The following CSMD3 variants were observed in gnomAD, a reference collection of about 807,000 sequenced individuals.
The protein encoded by CSMD3 is CUB and Sushi multiple domains 3, also known as CUB and sushi domain-containing protein 3.
A neutral mutation model predicts 435.2 loss-of-function variants in CSMD3; 177 were observed. The ratio of observed to expected loss-of-function variants is 0.41; its 90% CI spans 0.36 to 0.46. The LOEUF (loss-of-function observed/expected upper bound fraction) is 0.46, where lower values mean the gene tolerates loss of function less well. Ranked by LOEUF, CSMD3 falls within the 20% of genes least tolerant of loss-of-function variation. The pLI is 0.34. For missense variants in CSMD3, 4,265 were observed against 4,504.6 expected, an observed-to-expected ratio of 0.95 and a Z score of 1.52; for synonymous variants, 1,656 against 1,520.5, an observed-to-expected ratio of 1.09 and a Z score of -2.07.
chr8:112,536,023 A>C (rs563985824), intron 27 of CSMD3, among the ~76,000 whole-genome samples: 4 of 152,290 alleles, frequency 2.6e-5, no homozygotes, highest in South Asian at 2.1e-4. Context: ...AAATTAATTC[A>C]AGATGGATTA....
intron 5 of CSMD3, among the ~76,000 whole-genome samples, chr8:113,076,989 G>T (rs948524395): frequency 1.1e-4 from 16 of 152,164 alleles, no homozygotes; most frequent in African/African-American, 3.4e-4. Flanking sequence ...ACAAAAGGAA[G>T]AGAAGTGGCT....
chr8:113,263,096 T>C (rs1438596630), intron 3 of CSMD3, among the ~76,000 whole-genome samples: 2 of 151,970 alleles, frequency 1.3e-5, no homozygotes, highest in Admixed American at 6.6e-5. Flanking sequence ...TAAAGGATAG[T>C]GAGTGAAGAC....
chr8:112,755,581 T>A (rs1351575362), intron 13 of CSMD3, among the ~76,000 whole-genome samples: 1 of 150,516 alleles, frequency 6.6e-6, no homozygotes, highest in Non-Finnish European at 1.5e-5. Context: ...TAAACCTCTT[T>A]CCTTTATAAA....
At chr8:112,421,955 TA>T (rs1438204180) in intron 32 of CSMD3, among the ~76,000 whole-genome samples, 1 of 151,690 alleles carries the variant, frequency 6.6e-6, no homozygotes, top group South Asian at 2.1e-4. Context: ...GTTTTGCAGA[TA>T]AAAAAACAAA....
At chr8:113,266,844 C>T (rs1056244613) in intron 3 of CSMD3, among the ~76,000 whole-genome samples, 3 of 151,532 alleles carry the variant, frequency 2.0e-5, no homozygotes, top group African/African-American at 7.3e-5. Flanking sequence ...TTTGCAAATA[C>T]TTCATCCAAC....
At chr8:112,226,459 C>G (rs1211575246) in intron 70 of CSMD3, among the ~76,000 whole-genome samples, 1 of 151,950 alleles carries the variant, frequency 6.6e-6, no homozygotes, top group African/African-American at 2.4e-5. Flanking sequence ...AACACAAGAG[C>G]CAAATTCATA....
chr8:113,280,099 T>A (rs1305313880), intron 2 of CSMD3, among the ~76,000 whole-genome samples: 1 of 151,940 alleles, frequency 6.6e-6, no homozygotes, highest in African/African-American at 2.4e-5. Flanking sequence ...CGCACCCATG[T>A]TCATCAAGGA....
intron 16 of CSMD3, among the ~76,000 whole-genome samples, chr8:112,681,616 A>C (rs2075896918): frequency 6.6e-6 from 1 of 152,076 alleles, no homozygotes; most frequent in African/African-American, 2.4e-5. Context: ...CTGTAATCCC[A>C]GCACTTTGGG....
At chr8:112,265,338 T>C (rs1318533002) in intron 60 of CSMD3, 73 bp downstream of exon 60, 3 of 1,158,216 alleles carry the variant, frequency 2.6e-6, no homozygotes, top group Non-Finnish European at 3.7e-6. Flanking sequence ...AAGTATACTT[T>C]AAATTTGTAT....
intron 5 of CSMD3, among the ~76,000 whole-genome samples, chr8:113,097,683 A>G (rs1374586950): frequency 2.6e-5 from 4 of 152,082 alleles, no homozygotes; most frequent in Non-Finnish European, 5.9e-5. Flanking sequence ...TTAATTGCAC[A>G]TCTTGAAGAA....
chr8:113,291,793 T>A (rs1035627417), intron 2 of CSMD3, among the ~76,000 whole-genome samples: 3 of 151,946 alleles, frequency 2.0e-5, no homozygotes, highest in Non-Finnish European at 4.4e-5. Flanking sequence ...TTGAACTAGG[T>A]GTGTATTCTA....
Position 112,234,494 on chromosome 8 carries a change from C to T in CSMD3, c.10628-17G>A. Reference sequence around the variant, plus strand: ...TATATACCCCTGTAAAATGCAAGGACATTTTAGTCTACTTAACTTTGTAAA... The same window carrying T: ...TATATACCCCTGTAAAATGCAAGGATATTTTAGTCTACTTAACTTTGTAAA... On this transcript the variant is annotated splice_polypyrimidine_tract_variant and intron_variant, in intron 67 of 70. Coordinates refer to ENST00000297405, the MANE Select transcript of CSMD3 (RefSeq NM_198123.2). The T allele has an allele frequency of 7.3e-7, 1 of 1,369,382 alleles. No individual in the cohort carries two copies. The highest frequency in any genetic ancestry group is 1.0e-6 in the Non-Finnish European group (1 of 957,280). 84.8% of individuals were successfully genotyped at this position (1,369,382 alleles called of 1,614,324 possible).
chr8:112,453,760 A>G (rs1256471630), intron 32 of CSMD3, among the ~76,000 whole-genome samples: 1 of 152,152 alleles, frequency 6.6e-6, no homozygotes, highest in African/African-American at 2.4e-5. Context: ...TAGAAAAAAT[A>G]TTCTAAAATT....
chr8:113,230,507 A>G (rs1459988559), intron 3 of CSMD3, among the ~76,000 whole-genome samples: 1 of 151,626 alleles, frequency 6.6e-6, no homozygotes, highest in Non-Finnish European at 1.5e-5. Flanking sequence ...CTTAGAGCCC[A>G]ATGTCCAGAG....
At chr8:112,394,088 T>A (rs1830668120) in intron 35 of CSMD3, among the ~76,000 whole-genome samples, 1 of 152,130 alleles carries the variant, frequency 6.6e-6, no homozygotes, top group Admixed American at 6.6e-5. Context: ...ACTTTGAAAT[T>A]CTTCTTCATC....
intron 19 of CSMD3, among the ~76,000 whole-genome samples, chr8:112,646,853 A>C (rs1466665615): frequency 6.6e-6 from 1 of 152,180 alleles, no homozygotes; most frequent in Non-Finnish European, 1.5e-5. Context: ...ATAAGATGAA[A>C]CTAAAAACAT....
intron 2 of CSMD3, among the ~76,000 whole-genome samples, chr8:113,293,331 T>C (rs2093698749): frequency 6.6e-6 from 1 of 151,900 alleles, no homozygotes; most frequent in Admixed American, 6.6e-5. Flanking sequence ...GATTAGAAAC[T>C]GAGAAGTGGA....
intron 13 of CSMD3, among the ~76,000 whole-genome samples, chr8:112,764,566 A>C (rs2077928314): frequency 6.6e-6 from 1 of 151,496 alleles, no homozygotes; most frequent in South Asian, 2.1e-4. Context: ...TACACAGTTC[A>C]AAAACTTTTC....
intron 22 of CSMD3, among the ~76,000 whole-genome samples, chr8:112,622,345 C>G (rs1834140460): frequency 6.6e-6 from 1 of 152,048 alleles, no homozygotes; most frequent in African/African-American, 2.4e-5. Context: ...GTAAAGCAAA[C>G]TAAAGCTAGG....
Sources: allele counts gnomAD v4.1 joint callset (sites outside exome capture counted in the v4.1 genomes callset), GRCh38; gene constraint gnomAD v4.1.1; transcripts MANE v1.5; gene names NCBI Gene and HGNC (gene_info 2026-07-23, HGNC 2026-07-21).